Variants in CLNK observed in about 807,000 individuals in gnomAD.
CLNK encodes cytokine-dependent hematopoietic cell linker.
Under a neutral mutation model 68.6 loss-of-function variants are expected in CLNK, and 74 were observed. The observed-to-expected ratio is 1.08, with a 90% CI of 0.89 to 1.31. The LOEUF is 1.31. Among genes scored for constraint, CLNK ranks in the 50% most tolerant of loss-of-function variants. The pLI, the probability that CLNK is intolerant of heterozygous loss-of-function variation, is 0.00. For missense variants in CLNK, 553 were observed against 515.3 expected (o/e 1.07, Z -0.71); for synonymous variants, 198 against 172.2 (o/e 1.15, Z -1.17).
the CLNK span, among the ~76,000 whole-genome samples, chr4:10,714,956 T>C: frequency 6.6e-6 from 1 of 152,172 alleles, no homozygotes; most frequent in South Asian, 2.1e-4. Context: ...CCTTAAGTTT[T>C]TTTTTCCCCT....
At chr4:10,621,039 G>A (rs1336841407) in intron 2 of CLNK, among the ~76,000 whole-genome samples, 1 of 152,144 alleles carries the variant, frequency 6.6e-6, no homozygotes, top group East Asian at 1.9e-4. Context: ...GAACCCGGGA[G>A]ACAGAGCTTG....
At chr4:10,508,477 A>T (rs1717410094) in intron 16 of CLNK, among the ~76,000 whole-genome samples, 2 of 152,320 alleles carry the variant, frequency 1.3e-5, no homozygotes, top group East Asian at 1.9e-4. Context: ...AGAGGCACAG[A>T]TGCCGCTGAG....
the CLNK span, among the ~76,000 whole-genome samples, chr4:10,725,715 C>T: frequency 5.4e-4 from 82 of 151,922 alleles, 2 homozygotes; most frequent in Admixed American, 3.7e-3. Context: ...ATTAGCCGGG[C>T]GTGTTGGCGG....
At chr4:10,514,796 C>T (rs1050032703) in intron 15 of CLNK, among the ~76,000 whole-genome samples, 1 of 151,542 alleles carries the variant, frequency 6.6e-6, no homozygotes, top group Non-Finnish European at 1.5e-5. Flanking sequence ...AAAGAAACTA[C>T]CATCAGAGTG....
the CLNK span, among the ~76,000 whole-genome samples, chr4:10,696,132 A>T: frequency 6.6e-6 from 1 of 152,152 alleles, no homozygotes; most frequent in Non-Finnish European, 1.5e-5. Flanking sequence ...CTGGGATTAT[A>T]GGCTTGAGCC....
At chr4:10,632,607 A>T (rs1265178168) in intron 2 of CLNK, among the ~76,000 whole-genome samples, 1 of 152,228 alleles carries the variant, frequency 6.6e-6, no homozygotes. Context: ...AGTGCCTGAC[A>T]TTCACTTCAG....
intron 2 of CLNK, among the ~76,000 whole-genome samples, chr4:10,655,101 G>GAAAA (rs748148319): frequency 1.4e-5 from 1 of 72,812 alleles, no homozygotes; most frequent in Non-Finnish European, 2.6e-5. Context: ...ACACCGACTC[G>GAAAA]AAAAAAAAAA....
intron 2 of CLNK, among the ~76,000 whole-genome samples, chr4:10,623,309 AG>A (rs1722533909): frequency 6.6e-6 from 1 of 152,326 alleles, no homozygotes; most frequent in South Asian, 2.1e-4. Flanking sequence ...ATGTAAAATC[AG>A]AGAAGCAGCC....
At chr4:10,563,496 G>A (rs1475515842) in intron 7 of CLNK, among the ~76,000 whole-genome samples, 1 of 152,176 alleles carries the variant, frequency 6.6e-6, no homozygotes, top group African/African-American at 2.4e-5. Context: ...TTATACTTAT[G>A]AATGCTTGTT....
At chr4:10,582,922 A>C (rs1345219464) in intron 4 of CLNK, among the ~76,000 whole-genome samples, 3 of 151,972 alleles carry the variant, frequency 2.0e-5, no homozygotes. Flanking sequence ...ATATACAATC[A>C]CTCCTTGTAC....
At chr4:10,620,071 G>T (rs1035914750) in intron 2 of CLNK, among the ~76,000 whole-genome samples, 3 of 152,104 alleles carry the variant, frequency 2.0e-5, no homozygotes, top group African/African-American at 7.2e-5. Context: ...GCTCTTCACG[G>T]CCAAGTGAGA....
intron 14 of CLNK, among the ~76,000 whole-genome samples, chr4:10,524,126 T>C (rs901386771): frequency 5.3e-5 from 8 of 151,274 alleles, no homozygotes; most frequent in African/African-American, 1.7e-4. Context: ...AGGATGATAT[T>C]GTGGTATGGG....
At chr4:10,712,180 A>AT in the CLNK span, among the ~76,000 whole-genome samples, 7 of 152,112 alleles carry the variant, frequency 4.6e-5, no homozygotes, top group Non-Finnish European at 8.8e-5. Flanking sequence ...TTTACCCCTC[A>AT]TAAAGAGAAA....
intron 2 of CLNK, among the ~76,000 whole-genome samples, chr4:10,608,961 A>G (rs976207538): frequency 1.3e-4 from 20 of 152,238 alleles, no homozygotes; most frequent in African/African-American, 4.3e-4. Context: ...ATTTCTTCTT[A>G]GAAGAGCACT....
intron 8 of CLNK, among the ~76,000 whole-genome samples, chr4:10,545,473 CCCA>C (rs1719189881): frequency 6.6e-6 from 1 of 152,068 alleles, no homozygotes; most frequent in Non-Finnish European, 1.5e-5. Flanking sequence ...CTCGGGACAC[CCCA>C]CCCCTATAGC....
intron 5 of CLNK, among the ~76,000 whole-genome samples, chr4:10,571,301 T>A (rs929048382): frequency 1.3e-5 from 2 of 151,418 alleles, no homozygotes; most frequent in African/African-American, 4.9e-5. Context: ...TGGAAAAGTA[T>A]TTTTTGTTGT....
intron 7 of CLNK, among the ~76,000 whole-genome samples, chr4:10,558,717 G>T (rs1224034747): frequency 6.6e-6 from 1 of 152,172 alleles, no homozygotes; most frequent in African/African-American, 2.4e-5. Context: ...CTTTGGAAAA[G>T]ACACTGAGTA....
At chr4:10,643,644 C>G (rs1723401276) in intron 2 of CLNK, among the ~76,000 whole-genome samples, 1 of 152,214 alleles carries the variant, frequency 6.6e-6, no homozygotes, top group East Asian at 1.9e-4. Context: ...AGTATCCCCA[C>G]TCTCACACAT....
At chr4:10,648,039 G>T (rs1028148525) in intron 2 of CLNK, among the ~76,000 whole-genome samples, 12 of 152,086 alleles carry the variant, frequency 7.9e-5, no homozygotes, top group African/African-American at 2.9e-4. Context: ...TTCTACATAG[G>T]CTGGAAACCA....
Sources: gnomAD v4.1 joint callset for allele counts (sites outside exome capture counted in the v4.1 genomes callset) on GRCh38, gnomAD v4.1.1 for gene constraint, MANE v1.5 for transcripts, NCBI Gene and HGNC (gene_info 2026-07-23, HGNC 2026-07-21) for gene names.